The following RAD52 variants were observed in gnomAD, a reference collection of about 807,000 sequenced individuals.
RAD52 encodes the protein RAD52 DNA repair protein.
A neutral mutation model predicts 55.5 loss-of-function variants in RAD52; 47 were observed. The observed-to-expected ratio is 0.85, with a 90% confidence interval of 0.67 to 1.08. The LOEUF (loss-of-function observed/expected upper bound fraction) is 1.08. Among genes scored for constraint, RAD52 ranks in the 50% least tolerant of loss-of-function variants. The pLI is 0.00. For synonymous variants in RAD52, 184 were observed against 198.9 expected, an observed-to-expected ratio of 0.92 and a Z score of 0.63; for missense variants, 468 against 522.8, an observed-to-expected ratio of 0.90 and a Z score of 1.02.
intron 1 of RAD52, among the ~76,000 whole-genome samples, chr12:986,341 G>T (rs1959085647): frequency 6.6e-6 from 1 of 152,022 alleles, no homozygotes; most frequent in Non-Finnish European, 1.5e-5. Flanking sequence ...TGGGATTACA[G>T]GAGTGAACTA....
chr12:938,116 G>A lies in RAD52; in HGVS notation c.-18-5040C>T, dbSNP rs182858319. On this transcript the variant is annotated intron_variant, in intron 1 of 11. Coordinates refer to ENST00000358495, the MANE Select transcript of RAD52 (RefSeq NM_134424.4). Reference sequence around the variant, plus strand: ...ACTACTTGGGAATAAAAAGGAGGGCGGCAAAAGATGCCTTTACAATGTAGA... The same window carrying A: ...ACTACTTGGGAATAAAAAGGAGGGCAGCAAAAGATGCCTTTACAATGTAGA... 5.9e-5 allele frequency among the ~76,000 whole-genome samples: 9 copies of A among 152,230 alleles called. No homozygotes were observed. In the East Asian group the frequency reaches 1.4e-3, roughly 23 times the overall value.
chr12:924,712 T>C (rs1455541317), intron 7 of RAD52, among the ~76,000 whole-genome samples: 1 of 152,104 alleles, frequency 6.6e-6, no homozygotes, highest in Non-Finnish European at 1.5e-5. Flanking sequence ...GTTATAGGTA[T>C]TGACAGAAAT....
At chr12:952,840 C>G (rs546223292), upstream of RAD52, among the ~76,000 whole-genome samples, 1 of 133,146 alleles carries the variant, frequency 7.5e-6, no homozygotes. Flanking sequence ...TGCAGTGAGC[C>G]GAGATATAGT....
In RAD52 at chr12:961,682, G is replaced by A. The variant is rs980495128; in HGVS notation, c.-19+28127C>T. Among the ~76,000 whole-genome samples the A allele has an allele frequency of 5.3e-5, 8 of 152,018 alleles. 1 individual carries two copies. In the South Asian group the frequency reaches 6.2e-4, roughly 12 times the overall value. Reference sequence around the variant, plus strand: ...TCGAGACCAGCATGGCCCACATAGCGAAACTCTGTCTTTACTAAAAATACA... The same window carrying A: ...TCGAGACCAGCATGGCCCACATAGCAAAACTCTGTCTTTACTAAAAATACA... On this transcript the variant is annotated intron_variant, in intron 1 of 11. Transcript: ENST00000430095.
At chr12:966,712 T>C (rs1161344003) in intron 1 of RAD52, among the ~76,000 whole-genome samples, 1 of 152,058 alleles carries the variant, frequency 6.6e-6, no homozygotes, top group African/African-American at 2.4e-5. Context: ...GTGCTAGAGA[T>C]GCTATTGTAA....
At chr12:958,059 GCT>G (rs1958633151) in intron 1 of RAD52, among the ~76,000 whole-genome samples, 2 of 152,216 alleles carry the variant, frequency 1.3e-5, no homozygotes, top group African/African-American at 2.4e-5. Flanking sequence ...GCAAGGAGGT[GCT>G]GCTCCCAGCC....
At chr12:914,611 T>G (rs960934158) in intron 9 of RAD52, 79 bp from the exon 10 acceptor site, 7 of 1,553,052 alleles carry the variant, frequency 4.5e-6, no homozygotes, top group Non-Finnish European at 6.1e-6. Context: ...TCCACTCCCC[T>G]CTTGTTAGAG....
chr12:925,896 A>G (rs944037841), intron 6 of RAD52, among the ~76,000 whole-genome samples: 1 of 151,826 alleles, frequency 6.6e-6, no homozygotes, highest in Admixed American at 6.6e-5. Context: ...GGCAACACAC[A>G]CTTGGGGACC....
intron 1 of RAD52, among the ~76,000 whole-genome samples, chr12:961,889 G>A (rs887692214): frequency 6.6e-6 from 1 of 151,912 alleles, no homozygotes; most frequent in African/African-American, 2.4e-5. Context: ...AAGAGAGAGA[G>A]AGAGACACTA....
At chr12:914,628 C>T in intron 9 of RAD52, 96 bp from the exon 10 acceptor site, 4 of 1,446,352 alleles carry the variant, frequency 2.8e-6, no homozygotes, top group Non-Finnish European at 3.8e-6. Flanking sequence ...AGAGGGAACA[C>T]TCTCCGAAGC....
In RAD52 at chr12:949,595, C is replaced by CA. The variant is rs1326790485; in HGVS notation, c.-19+6dup. The CA allele has an allele frequency of 2.6e-5, 4 of 152,476 alleles. No individual in the cohort carries two copies. Among genetic ancestry groups the CA allele is most frequent in the African/African-American group, 4.8e-5 (2 of 41,446 alleles). The allele number at this position is 152,476 out of a possible 1,614,324, so 9.4% of individuals were successfully genotyped here. Reference sequence around the variant, plus strand: ...CCCGGGGGAAGCCGCTCTCCTCCCCCACTTACGCGCCTCGGGCAGCGCGCG... The same window carrying CA: ...CCCGGGGGAAGCCGCTCTCCTCCCCCAACTTACGCGCCTCGGGCAGCGCGCG... On this transcript the variant is annotated splice_region_variant and intron_variant, in intron 1 of 11. Coordinates refer to ENST00000358495, the MANE Select transcript of RAD52 (RefSeq NM_134424.4).
chr12:928,299 G>T (rs1449724017), intron 5 of RAD52, among the ~76,000 whole-genome samples: 1 of 152,130 alleles, frequency 6.6e-6, no homozygotes. Flanking sequence ...ATCACCTGAG[G>T]TTGTGAGTTC....
intron 5 of RAD52, among the ~76,000 whole-genome samples, chr12:928,837 T>A (rs1176757907): frequency 1.3e-5 from 2 of 152,100 alleles, no homozygotes; most frequent in Admixed American, 6.6e-5. Context: ...TTACCAAAAA[T>A]TTTTATTTTT....
chr12:922,184 G>C (rs571008976), intron 7 of RAD52, among the ~76,000 whole-genome samples: 3 of 99,744 alleles, frequency 3.0e-5, no homozygotes, highest in African/African-American at 4.0e-5. Flanking sequence ...CGCCCATTAG[G>C]TTGGCTTAAA....
chr12:924,389 G>A (rs921429728), intron 7 of RAD52, among the ~76,000 whole-genome samples: 13 of 152,124 alleles, frequency 8.5e-5, no homozygotes, highest in African/African-American at 1.4e-4. Context: ...CAGCCTGGGC[G>A]ACAGAGCGAG....
upstream of RAD52, among the ~76,000 whole-genome samples, chr12:951,891 T>C (rs1252140364): frequency 6.6e-6 from 1 of 152,208 alleles, no homozygotes; most frequent in Non-Finnish European, 1.5e-5. Flanking sequence ...ACATAATTTT[T>C]GGGGTAAATG....
chr12:941,389 G>A (rs986625188), intron 1 of RAD52, among the ~76,000 whole-genome samples: 1 of 151,934 alleles, frequency 6.6e-6, no homozygotes, highest in Non-Finnish European at 1.5e-5. Flanking sequence ...CACCATCTCG[G>A]CTCACTGCAA....
intron 1 of RAD52, among the ~76,000 whole-genome samples, chr12:971,146 C>A (rs1160938569): frequency 6.6e-6 from 1 of 152,108 alleles, no homozygotes; most frequent in Non-Finnish European, 1.5e-5. Context: ...GAAAAGGAAC[C>A]TATATGTCTT....
intron 1 of RAD52, among the ~76,000 whole-genome samples, chr12:972,341 G>A (rs1958870906): frequency 6.6e-6 from 1 of 152,162 alleles, no homozygotes; most frequent in South Asian, 2.1e-4. Flanking sequence ...TATGGGGACA[G>A]AAAGTGCATG....
Sources: allele counts gnomAD v4.1 joint callset (sites outside exome capture counted in the v4.1 genomes callset), GRCh38; gene constraint gnomAD v4.1.1; transcripts MANE v1.5; gene names NCBI Gene and HGNC (gene_info 2026-07-23, HGNC 2026-07-21).